APOBEC3G: variants seen among roughly 807,000 people sequenced by gnomAD.
APOBEC3G encodes apolipoprotein B mRNA editing enzyme catalytic subunit 3G, also known as DNA dC->dU-editing enzyme APOBEC-3G.
A neutral mutation model predicts 50.0 loss-of-function variants in APOBEC3G; 44 were observed. The ratio of observed to expected loss-of-function variants is 0.88; its 90% CI spans 0.69 to 1.13. The LOEUF is 1.13. Among genes scored for constraint, APOBEC3G ranks in the 50% most tolerant of loss-of-function variants. The pLI, the probability that APOBEC3G is intolerant of heterozygous loss-of-function variation, is 0.00. For missense variants in APOBEC3G, 469 were observed against 492.0 expected, an observed-to-expected ratio of 0.95 and a Z score of 0.44; for synonymous variants, 156 against 175.3, an observed-to-expected ratio of 0.89 and a Z score of 0.87.
chr22:39,083,758 T>G lies in APOBEC3G; in HGVS notation c.609T>G (p.Thr203=). The G allele has an allele frequency of 6.2e-7, 1 of 1,614,000 alleles. No homozygotes were observed. The highest frequency in any genetic ancestry group is 8.5e-7 in the Non-Finnish European group (1 of 1,179,906). The change falls in exon 5 of 8, where the codon ACT becomes ACG. Residue 203 remains threonine, a synonymous_variant. Transcript: ENST00000407997. ...LRHSMDPPTF[T]FNFNNEPWVR... Reference sequence around the variant, plus strand: ...ACTCGATGGATCCACCCACATTCACTTTCAACTTTAACAATGAACCTTGGG... The same window carrying G: ...ACTCGATGGATCCACCCACATTCACGTTCAACTTTAACAATGAACCTTGGG...
At chr22:39,086,177 G>A in intron 5 of APOBEC3G, 102 bp from the exon 6 acceptor site, 1 of 1,314,562 alleles carries the variant, frequency 7.6e-7, no homozygotes, top group Non-Finnish European at 1.0e-6. Flanking sequence ...GGTGGTGCAT[G>A]CCTGTAATCC....
At chr22:39,085,240 G>T (rs879586726) in intron 5 of APOBEC3G, among the ~76,000 whole-genome samples, 2 of 152,218 alleles carry the variant, frequency 1.3e-5, no homozygotes, top group African/African-American at 2.4e-5. Context: ...CCTGCTGGGG[G>T]CCCCTCATCC....
At chr22:39,086,975 G>A (rs1463560966) in intron 6 of APOBEC3G, 36 bp from the exon 7 acceptor site, 3 of 1,568,404 alleles carry the variant, frequency 1.9e-6, no homozygotes, top group African/African-American at 1.3e-5. Context: ...CGATCCCACA[G>A]CGGGAGTGTG....
Sources: allele counts gnomAD v4.1 joint callset (sites outside exome capture counted in the v4.1 genomes callset), GRCh38; gene constraint gnomAD v4.1.1; transcripts MANE v1.5; gene names NCBI Gene and HGNC (gene_info 2026-07-23, HGNC 2026-07-21).